FOXP2: variants seen among roughly 807,000 people sequenced by gnomAD.
FOXP2 encodes the protein forkhead box protein P2.
Under a neutral mutation model 115.8 loss-of-function variants are expected in FOXP2, and 12 were observed. That is an observed-to-expected ratio of 0.10 (90% CI 0.07 to 0.17). The LOEUF (loss-of-function observed/expected upper bound fraction) is 0.17, where lower values mean the gene tolerates loss of function less well. Among genes scored for constraint, FOXP2 ranks in the 10% least tolerant of loss-of-function variants. FOXP2 has a pLI of 1.00. For missense variants in FOXP2, 629 were observed against 843.5 expected, an observed-to-expected ratio of 0.75 and a Z score of 3.15; for synonymous variants, 328 against 297.7, an observed-to-expected ratio of 1.10 and a Z score of -1.05.
chr7:114,358,410 C>A (rs576525030), intron 2 of FOXP2, among the ~76,000 whole-genome samples: 8 of 152,218 alleles, frequency 5.3e-5, no homozygotes, highest in African/African-American at 1.7e-4. Flanking sequence ...TAAGGATACT[C>A]AAAAATGTGG....
chr7:114,447,608 C>T (rs568983220), intron 2 of FOXP2, among the ~76,000 whole-genome samples: 33 of 152,108 alleles, frequency 2.2e-4, no homozygotes, highest in Non-Finnish European at 4.0e-4. Context: ...AAGTACCCCA[C>T]GCTAACATTT....
intron 2 of FOXP2, among the ~76,000 whole-genome samples, chr7:114,472,894 A>G (rs1390915360): frequency 6.6e-6 from 1 of 152,098 alleles, no homozygotes; most frequent in Non-Finnish European, 1.5e-5. Context: ...AATATTATGT[A>G]AGTTTCCACA....
intron 1 of FOXP2, among the ~76,000 whole-genome samples, chr7:114,209,922 C>T (rs1794300689): frequency 6.6e-6 from 1 of 152,134 alleles, no homozygotes; most frequent in Non-Finnish European, 1.5e-5. Flanking sequence ...GTCTGTTCTG[C>T]TGTTGATACT....
intron 1 of FOXP2, among the ~76,000 whole-genome samples, chr7:114,284,949 C>T (rs2694946): frequency 0.64 from 97,761 of 151,868 alleles, 32,348 homozygotes; most frequent in Middle Eastern, 0.8. Context: ...ATACTGCATA[C>T]TTACACTTAC....
At chr7:114,476,948 T>C (rs1028577506) in intron 2 of FOXP2, among the ~76,000 whole-genome samples, 3 of 151,946 alleles carry the variant, frequency 2.0e-5, no homozygotes, top group East Asian at 1.9e-4. Flanking sequence ...AAAACCATAG[T>C]GAGATGCCTT....
chr7:114,247,928 C>T (rs1448970175), intron 1 of FOXP2, among the ~76,000 whole-genome samples: 2 of 152,094 alleles, frequency 1.3e-5, no homozygotes, highest in African/African-American at 4.8e-5. Context: ...TGCAGACACA[C>T]ACAGGCACAG....
chr7:114,603,079 G>C (rs1803120538), intron 3 of FOXP2, among the ~76,000 whole-genome samples: 2 of 152,132 alleles, frequency 1.3e-5, no homozygotes, highest in African/African-American at 4.8e-5. Context: ...TGACTATTTG[G>C]AAGTTTTTTC....
intron 1 of FOXP2, among the ~76,000 whole-genome samples, chr7:114,259,621 G>T (rs1795697897): frequency 6.6e-6 from 1 of 152,168 alleles, no homozygotes; most frequent in Non-Finnish European, 1.5e-5. Flanking sequence ...ATATGTGTTT[G>T]TGTTGGGAGA....
intron 3 of FOXP2, among the ~76,000 whole-genome samples, chr7:114,542,394 A>C (rs1799710178): frequency 6.6e-6 from 1 of 152,166 alleles, no homozygotes; most frequent in Non-Finnish European, 1.5e-5. Flanking sequence ...TTACACCAAG[A>C]ATAGTTTGTG....
chr7:114,661,986 A>T, intron 13 of FOXP2, 79 bp from the exon 14 acceptor site: 2 of 1,547,892 alleles, frequency 1.3e-6, no homozygotes, highest in Non-Finnish European at 8.9e-7. Flanking sequence ...ATTAAGTAAG[A>T]TCAATAATGT....
chr7:114,467,920 TG>T (rs1215476660), intron 2 of FOXP2, among the ~76,000 whole-genome samples: 2 of 152,136 alleles, frequency 1.3e-5, no homozygotes, highest in African/African-American at 4.8e-5. Context: ...TCCCTTTGTC[TG>T]TTGGTTTTTA....
rs1562911267 is a variant in FOXP2 at position 114,414,853 on chromosome 7, A to C, written c.-518A>C. On this transcript the variant is annotated 5_prime_UTR_variant, in exon 1 of 17. Coordinates refer to ENST00000350908, the MANE Select transcript of FOXP2 (RefSeq NM_014491.4). ...CTAACCGAGGACTTGAGAGACTCAAACTGGTGCTTTTGTCTCTCTCTCTCT... is the reference window on the plus strand; with the variant it reads ...CTAACCGAGGACTTGAGAGACTCAACCTGGTGCTTTTGTCTCTCTCTCTCT... The C allele has an allele frequency of 8.8e-6, 3 of 342,270 alleles. No homozygotes were observed. Among genetic ancestry groups the C allele is most frequent in the South Asian group, 4.7e-5 (2 of 42,334 alleles). 21.2% of individuals were successfully genotyped at this position (342,270 alleles called of 1,614,324 possible).
At chr7:114,637,426 A>G (rs1805281357) in intron 6 of FOXP2, among the ~76,000 whole-genome samples, 1 of 152,144 alleles carries the variant, frequency 6.6e-6, no homozygotes, top group Admixed American at 6.6e-5. Flanking sequence ...GAAACCGAAT[A>G]ATCTTCACTT....
intron 3 of FOXP2, among the ~76,000 whole-genome samples, chr7:114,547,923 C>A: frequency 6.6e-6 from 1 of 152,114 alleles, no homozygotes; most frequent in East Asian, 1.9e-4. Context: ...AAAATATTAT[C>A]TAAATTTACT....
At chr7:114,205,202 T>G (rs1196373088) in intron 1 of FOXP2, among the ~76,000 whole-genome samples, 1 of 152,200 alleles carries the variant, frequency 6.6e-6, no homozygotes, top group Non-Finnish European at 1.5e-5. Context: ...AAGTAATATA[T>G]GACCGTGAAT....
At chr7:114,176,401 C>T (rs1793311638) in intron 1 of FOXP2, among the ~76,000 whole-genome samples, 1 of 151,038 alleles carries the variant, frequency 6.6e-6, no homozygotes, top group South Asian at 2.1e-4. Flanking sequence ...TGCAGTGGTG[C>T]AGTCTCAGCT....
rs115302351 is a variant in FOXP2, at chr7:114,593,759, A to C, written c.259-34781A>C. On this transcript the variant is annotated intron_variant, in intron 3 of 16. Coordinates refer to ENST00000350908, the MANE Select transcript of FOXP2 (RefSeq NM_014491.4). ...TATAGCACCATATTTAATTACCAGA[A>C]ATTTTATAAGAACTTAACTGTCAAA... Among the ~76,000 whole-genome samples the C allele has an allele frequency of 2.3e-3, 355 of 152,108 alleles. 1 individual carries two copies. The highest frequency in any genetic ancestry group is 7.7e-3 in the African/African-American group (320 of 41,546).
intron 16 of FOXP2, among the ~76,000 whole-genome samples, chr7:114,671,578 G>A (rs1325888941): frequency 6.6e-6 from 1 of 152,102 alleles, no homozygotes; most frequent in Non-Finnish European, 1.5e-5. Flanking sequence ...CACTAGTTGA[G>A]CCTTAAAAAT....
At position 114,692,751 on chromosome 7, in the gene FOXP2, T is replaced by C. The variant is rs1236797553; in HGVS notation, c.*2825T>C. The C allele has an allele frequency of 6.7e-6, 3 of 445,028 alleles. No individual in the cohort carries two copies. The Admixed American group carries it at 7.3e-5, about 11-fold the overall frequency. 27.6% of individuals were successfully genotyped at this position (445,028 alleles called of 1,614,324 possible). On this transcript the variant is annotated 3_prime_UTR_variant, in exon 17 of 17. Transcript: ENST00000350908. The stretch of plus-strand genomic sequence containing the variant: ...TATCATAAGCTGATTATGGGGACTA[T>C]GATCTTTTGTATACAGCAAATTTTA...
Sources: allele counts gnomAD v4.1 joint callset (sites outside exome capture counted in the v4.1 genomes callset), GRCh38; gene constraint gnomAD v4.1.1; transcripts MANE v1.5; gene names NCBI Gene and HGNC (gene_info 2026-07-23, HGNC 2026-07-21).